Variants in SLC2A9 observed in about 807,000 individuals in gnomAD.
The protein encoded by SLC2A9 is solute carrier family 2 member 9.
SLC2A9 carries 39 observed loss-of-function variants against 50.6 expected under a neutral mutation model. The ratio of observed to expected loss-of-function variants is 0.77; its 90% CI spans 0.60 to 1.01. The LOEUF (loss-of-function observed/expected upper bound fraction) is 1.01, where lower values mean the gene tolerates loss of function less well. Ranked by LOEUF, SLC2A9 falls within the 50% of genes least tolerant of loss-of-function variation. The pLI is 0.00. For synonymous variants in SLC2A9, 324 were observed against 276.9 expected (o/e 1.17, Z -1.69); for missense variants, 686 against 677.6 (o/e 1.01, Z -0.14).
At chr4:9,878,673 T>C (rs1017687023) in intron 10 of SLC2A9, among the ~76,000 whole-genome samples, 2 of 152,028 alleles carry the variant, frequency 1.3e-5, no homozygotes, top group African/African-American at 4.8e-5. Context: ...CTGGGAGTCA[T>C]GCTAGCAAAT....
chr4:9,970,430 T>G (rs1312090777), intron 5 of SLC2A9, among the ~76,000 whole-genome samples: 1 of 152,084 alleles, frequency 6.6e-6, no homozygotes, highest in Non-Finnish European at 1.5e-5. Context: ...GTGGGGGTAC[T>G]GTAGTCACAA....
At chr4:9,933,729 C>T (rs1181244603) in intron 6 of SLC2A9, among the ~76,000 whole-genome samples, 2 of 152,208 alleles carry the variant, frequency 1.3e-5, no homozygotes, top group African/African-American at 4.8e-5. Flanking sequence ...GAATCTGAAG[C>T]AGGTGTCACT....
chr4:9,858,965 C>T (rs893459692), intron 10 of SLC2A9, among the ~76,000 whole-genome samples: 10 of 152,246 alleles, frequency 6.6e-5, no homozygotes, highest in Admixed American at 5.9e-4. Context: ...TGCTTCCTGC[C>T]CTTGAACATC....
intron 10 of SLC2A9, among the ~76,000 whole-genome samples, chr4:9,849,692 C>A (rs1415398393): frequency 6.6e-6 from 1 of 152,152 alleles, no homozygotes; most frequent in Admixed American, 6.5e-5. Context: ...GCTGCTACAG[C>A]ATAATGAGTG....
intron 6 of SLC2A9, among the ~76,000 whole-genome samples, chr4:9,939,238 G>A (rs559750409): frequency 6.6e-6 from 1 of 152,300 alleles, no homozygotes; most frequent in South Asian, 2.1e-4. Context: ...AGACATGCGA[G>A]TGAACTTCAG....
intron 2 of SLC2A9, among the ~76,000 whole-genome samples, chr4:9,999,996 A>G (rs1759480285): frequency 6.6e-6 from 1 of 152,194 alleles, no homozygotes; most frequent in Non-Finnish European, 1.5e-5. Context: ...GTGAAAGAAG[A>G]TCACAGAAAA....
chr4:9,929,490 G>A (rs1316999837), intron 6 of SLC2A9, among the ~76,000 whole-genome samples: 4 of 152,318 alleles, frequency 2.6e-5, no homozygotes, highest in Admixed American at 6.5e-5. Context: ...TCTACACTGC[G>A]CTGCAGATGG....
downstream of SLC2A9, among the ~76,000 whole-genome samples, chr4:9,825,043 C>G (rs993634050): frequency 1.3e-5 from 2 of 152,140 alleles, no homozygotes; most frequent in African/African-American, 4.8e-5. Context: ...CTGAGCAAAC[C>G]CAAGGGATTA....
chr4:9,820,523 T>C (rs1001550428), intron 3 of SLC2A9, among the ~76,000 whole-genome samples: 2 of 152,240 alleles, frequency 1.3e-5, no homozygotes, highest in African/African-American at 4.8e-5. Context: ...TATAGATAAA[T>C]GGAAGAAGAT....
chr4:9,991,739 T>C lies in SLC2A9; in HGVS notation c.410+5042A>G, dbSNP rs187297391. On this transcript the variant is annotated intron_variant, in intron 3 of 11. Coordinates refer to ENST00000264784, the MANE Select transcript of SLC2A9 (RefSeq NM_020041.3). ...TAAGAAGAGGAAGGGACACCAGGGA[T>C]GCACACACACAGGGAGCACACAGCG... Among the ~76,000 whole-genome samples, 313 of 152,268 alleles carry C rather than the reference T, an allele frequency of 2.1e-3. 1 individual carries two copies. The highest frequency in any genetic ancestry group is 7.2e-3 in the African/African-American group (300 of 41,542).
intron 10 of SLC2A9, among the ~76,000 whole-genome samples, chr4:9,835,486 G>A (rs549195612): frequency 6.6e-6 from 1 of 152,196 alleles, no homozygotes; most frequent in Non-Finnish European, 1.5e-5. Flanking sequence ...TCTCAGACAA[G>A]ACAGAGTGGG....
chr4:9,825,432 A>G (rs1724979540), downstream of SLC2A9, among the ~76,000 whole-genome samples: 1 of 152,128 alleles, frequency 6.6e-6, no homozygotes, highest in East Asian at 1.9e-4. Context: ...ACAGCTCATT[A>G]CCTTTTCAGA....
chr4:9,891,590 C>T (rs1441063389), intron 8 of SLC2A9, among the ~76,000 whole-genome samples: 3 of 152,190 alleles, frequency 2.0e-5, no homozygotes, highest in Non-Finnish European at 4.4e-5. Flanking sequence ...TGTGAGGTAT[C>T]CTCCTCTCAT....
chr4:9,853,738 T>C (rs1388876799), intron 10 of SLC2A9, among the ~76,000 whole-genome samples: 1 of 150,810 alleles, frequency 6.6e-6, no homozygotes, highest in Non-Finnish European at 1.5e-5. Flanking sequence ...GACCACACAA[T>C]TGGCCATAAA....
At chr4:9,940,718 G>A (rs1025572118) in intron 6 of SLC2A9, among the ~76,000 whole-genome samples, 2 of 152,124 alleles carry the variant, frequency 1.3e-5, no homozygotes, top group Non-Finnish European at 2.9e-5. Flanking sequence ...TGTTATAAAT[G>A]AGAAAATGAA....
chr4:9,823,068 G>A (rs1217744727), downstream of SLC2A9, among the ~76,000 whole-genome samples: 1 of 152,154 alleles, frequency 6.6e-6, no homozygotes, highest in Non-Finnish European at 1.5e-5. Flanking sequence ...ATTCTGCCCA[G>A]GGTTGCTAGT....
At chr4:9,833,976 C>T (rs1464449314) in intron 11 of SLC2A9, among the ~76,000 whole-genome samples, 1 of 152,174 alleles carries the variant, frequency 6.6e-6, no homozygotes, top group East Asian at 1.9e-4. Context: ...GTTCCTGCTC[C>T]CAGATAACCC....
intron 6 of SLC2A9, among the ~76,000 whole-genome samples, chr4:9,934,967 T>C (rs959775751): frequency 6.6e-6 from 1 of 152,224 alleles, no homozygotes; most frequent in Non-Finnish European, 1.5e-5. Flanking sequence ...TTCATCCATG[T>C]CCCTGCAAAG....
chr4:9,824,071 A>C (rs79056900), downstream of SLC2A9, among the ~76,000 whole-genome samples: 1,225 of 152,282 alleles, frequency 8.0e-3, 16 homozygotes, highest in African/African-American at 0.028. Context: ...GAGTCTTTAA[A>C]AGGTAGTTGG....
Sources: gnomAD v4.1 joint callset for allele counts (sites outside exome capture counted in the v4.1 genomes callset) on GRCh38, gnomAD v4.1.1 for gene constraint, MANE v1.5 for transcripts, NCBI Gene and HGNC (gene_info 2026-07-23, HGNC 2026-07-21) for gene names.